Variants in ITSN1 observed in about 807,000 individuals in gnomAD.
The protein encoded by ITSN1 is intersectin-1.
In ITSN1, 58 loss-of-function variants were observed where a neutral mutation model predicts 239.8. The observed-to-expected ratio is 0.24, with a 90% CI of 0.20 to 0.30. The LOEUF (loss-of-function observed/expected upper bound fraction) is 0.30, where lower values mean the gene tolerates loss of function less well. Among genes scored for constraint, ITSN1 ranks in the 10% least tolerant of loss-of-function variants. ITSN1 has a pLI of 1.00. For missense variants in ITSN1, 1,558 were observed against 2,103.3 expected (o/e 0.74, Z 5.07); for synonymous variants, 780 against 770.8 (o/e 1.01, Z -0.20).
chr21:33,811,905 A>AT (rs1377330073), intron 21 of ITSN1, among the ~76,000 whole-genome samples: 1 of 152,252 alleles, frequency 6.6e-6, no homozygotes, highest in Non-Finnish European at 1.5e-5. Context: ...AGTGATTTGA[A>AT]TAAGAAGTGT....
chr21:33,857,193 G>A (rs561057289), intron 30 of ITSN1, among the ~76,000 whole-genome samples: 22 of 152,322 alleles, frequency 1.4e-4, no homozygotes, highest in African/African-American at 4.6e-4. Context: ...CAACCAGGAG[G>A]TGCCATGGAG....
chr21:33,762,921 C>T (rs1016264885), intron 9 of ITSN1, among the ~76,000 whole-genome samples: 6 of 152,152 alleles, frequency 3.9e-5, no homozygotes, highest in Non-Finnish European at 7.3e-5. Context: ...ACCTCAGCCT[C>T]CCAAAATGCT....
At chr21:33,811,450 G>A (rs955565336) in intron 21 of ITSN1, among the ~76,000 whole-genome samples, 7 of 152,176 alleles carry the variant, frequency 4.6e-5, no homozygotes, top group African/African-American at 9.7e-5. Context: ...AATGAAGCCT[G>A]TTATCTTGTT....
At chr21:33,874,349 G>A (rs1343968080) in intron 33 of ITSN1, among the ~76,000 whole-genome samples, 5 of 152,010 alleles carry the variant, frequency 3.3e-5, no homozygotes, top group African/African-American at 7.2e-5. Context: ...CCAGAGGCGC[G>A]TGGACCCAGG....
intron 16 of ITSN1, among the ~76,000 whole-genome samples, chr21:33,785,289 A>G (rs546511290): frequency 5.3e-5 from 8 of 152,302 alleles, no homozygotes; most frequent in East Asian, 3.9e-4. Context: ...GTAAATTGCA[A>G]TAAGTCATTC....
At position 33,891,138 on chromosome 21, in the gene ITSN1, T is replaced by A. The variant is rs1986337019; in HGVS notation, c.*2838T>A. 1 of 152,314 alleles carries A rather than the reference T, an allele frequency of 6.6e-6. No individual in the cohort carries two copies. Among genetic ancestry groups the A allele is most frequent in the Non-Finnish European group, 1.5e-5 (1 of 68,118 alleles). 9.4% of individuals were successfully genotyped at this position (152,314 alleles called of 1,614,324 possible). A position where few individuals can be genotyped will look rare whatever the true frequency, so the allele number is the denominator to read the frequency against. ...CAGGTGGATGGACAGCATCATCTCC[T>A]GGAACCAGGTTTGCTGTGACCATGA... On this transcript the variant is annotated 3_prime_UTR_variant, in exon 40 of 40. Transcript: ENST00000381318.
chr21:33,715,234 T>C (rs966601751), intron 1 of ITSN1, among the ~76,000 whole-genome samples: 3 of 143,718 alleles, frequency 2.1e-5, no homozygotes, highest in Non-Finnish European at 4.5e-5. Context: ...AATGTAAGGC[T>C]AAATTCTTTA....
chr21:33,697,136 G>A (rs1233084554), intron 1 of ITSN1, among the ~76,000 whole-genome samples: 1 of 149,862 alleles, frequency 6.7e-6, no homozygotes, highest in African/African-American at 2.5e-5. Context: ...AAGTTGGAGT[G>A]CAGAGGCGTG....
intron 11 of ITSN1, among the ~76,000 whole-genome samples, chr21:33,771,675 G>A (rs1417033078): frequency 6.6e-6 from 1 of 152,110 alleles, no homozygotes; most frequent in African/African-American, 2.4e-5. Flanking sequence ...TAGAATAGAG[G>A]ACTCATCAGC....
chr21:33,723,195 C>G (rs2065604871), intron 4 of ITSN1, among the ~76,000 whole-genome samples: 1 of 152,148 alleles, frequency 6.6e-6, no homozygotes, highest in Admixed American at 6.5e-5. Flanking sequence ...GGATTCTTGG[C>G]TCATGGCTTT....
chr21:33,890,296 C>A lies in ITSN1; in HGVS notation c.*1996C>A, dbSNP rs1986273184. On this transcript the variant is annotated 3_prime_UTR_variant, in exon 40 of 40. Transcript: ENST00000381318. ...AAATGGGGTAGTGTGGGTCACCATT[C>A]CGATCTCTTTTTGTTTTCTGTCCTG... is the stretch of plus-strand genomic sequence containing the variant. 1 of 152,196 alleles carries A rather than the reference C, an allele frequency of 6.6e-6. No homozygotes were observed. The highest frequency in any genetic ancestry group is 2.1e-4 in the South Asian group (1 of 4,838). The allele number at this position is 152,196 out of a possible 1,614,324, so 9.4% of individuals were successfully genotyped here.
At chr21:33,844,169 CG>C (rs1187370911) in intron 29 of ITSN1, among the ~76,000 whole-genome samples, 1 of 152,188 alleles carries the variant, frequency 6.6e-6, no homozygotes, top group African/African-American at 2.4e-5. Flanking sequence ...GGAGGCCCAC[CG>C]GTGGAAGCAA....
chr21:33,691,647 A>G (rs990612148), intron 1 of ITSN1, among the ~76,000 whole-genome samples: 10 of 152,214 alleles, frequency 6.6e-5, no homozygotes, highest in Non-Finnish European at 1.3e-4. Context: ...TATAGACTAG[A>G]TGCCTTAAGC....
At chr21:33,853,625 C>T (rs1569304146) in intron 29 of ITSN1, among the ~76,000 whole-genome samples, 2 of 152,222 alleles carry the variant, frequency 1.3e-5, no homozygotes, top group African/African-American at 2.4e-5. Flanking sequence ...CCTCGCACCT[C>T]CATGCTGCAG....
rs114881807 is a variant in ITSN1 at position 33,647,893 on chromosome 21, T to C, written c.-33+5180T>C. On this transcript the variant is annotated intron_variant, in intron 1 of 39. Coordinates refer to ENST00000381318, the MANE Select transcript of ITSN1 (RefSeq NM_003024.3). ...TATAACCCTGCAGTGACTGTCCTTC[T>C]ACATATGTCTCTGAATGTACTTGTG... 4.1e-3 allele frequency among the ~76,000 whole-genome samples: 627 copies of C among 152,374 alleles called. 4 individuals carry two copies. The highest frequency in any genetic ancestry group is 0.014 in the African/African-American group (603 of 41,598).
At chr21:33,839,854 G>A (rs141867867) in intron 29 of ITSN1, among the ~76,000 whole-genome samples, 66 of 152,300 alleles carry the variant, frequency 4.3e-4, no homozygotes, top group Middle Eastern at 3.4e-3. Flanking sequence ...CAGCCAGTGG[G>A]AGTGCTGCTG....
chr21:33,815,934 T>C (rs769228543), intron 22 of ITSN1, among the ~76,000 whole-genome samples: 4 of 152,136 alleles, frequency 2.6e-5, no homozygotes, highest in Non-Finnish European at 4.4e-5. Flanking sequence ...ATGCCTGTTA[T>C]CGCAGCACTT....
chr21:33,805,365 T>A (rs1454802108), intron 20 of ITSN1, among the ~76,000 whole-genome samples: 4 of 152,234 alleles, frequency 2.6e-5, no homozygotes, highest in Non-Finnish European at 1.5e-5. Context: ...GACATTTTTT[T>A]AAATGTAGCC....
chr21:33,885,607 A>C, intron 38 of ITSN1, 85 bp downstream of exon 38: 1 of 992,370 alleles, frequency 1.0e-6, no homozygotes. Flanking sequence ...GCTCTAGATC[A>C]AATGTGCTAT....
Sources: allele counts gnomAD v4.1 joint callset (sites outside exome capture counted in the v4.1 genomes callset), GRCh38; gene constraint gnomAD v4.1.1; transcripts MANE v1.5; gene names NCBI Gene and HGNC (gene_info 2026-07-23, HGNC 2026-07-21).